Variants in RAI14 observed in about 807,000 individuals in gnomAD.
The protein encoded by RAI14 is ankycorbin.
RAI14 carries 45 observed loss-of-function variants against 115.4 expected under a neutral mutation model. The ratio of observed to expected loss-of-function variants is 0.39; its 90% CI spans 0.31 to 0.50. RAI14 has a LOEUF of 0.50. Ranked by LOEUF, RAI14 falls within the 20% of genes least tolerant of loss-of-function variation. The pLI is 0.85. For missense variants in RAI14, 939 were observed against 1,131.2 expected (o/e 0.83, Z 2.44); for synonymous variants, 371 against 415.4 (o/e 0.89, Z 1.30).
chr5:34,736,493 C>T (rs1744896224), intron 2 of RAI14, among the ~76,000 whole-genome samples: 1 of 151,922 alleles, frequency 6.6e-6, no homozygotes, highest in South Asian at 2.1e-4. Flanking sequence ...TTTGTAAAGC[C>T]GTTCATTAAG....
intron 2 of RAI14, among the ~76,000 whole-genome samples, chr5:34,696,693 C>A (rs1399456940): frequency 1.3e-5 from 2 of 152,202 alleles, no homozygotes; most frequent in Non-Finnish European, 2.9e-5. Context: ...TGTTCTTAAA[C>A]CTTAGTGACT....
At chr5:34,743,028 C>T (rs1017443885) in intron 2 of RAI14, among the ~76,000 whole-genome samples, 19 of 152,178 alleles carry the variant, frequency 1.2e-4, no homozygotes, top group Non-Finnish European at 1.5e-4. Flanking sequence ...AACAAATCAA[C>T]GTAGCGTGTG....
intron 2 of RAI14, among the ~76,000 whole-genome samples, chr5:34,688,633 G>GT (rs1213143857): frequency 6.6e-6 from 1 of 152,186 alleles, no homozygotes; most frequent in East Asian, 1.9e-4. Context: ...AAGAAATGTT[G>GT]AGAAGCAGAC....
chr5:34,722,665 G>T (rs1742921802), intron 2 of RAI14, among the ~76,000 whole-genome samples: 1 of 152,054 alleles, frequency 6.6e-6, no homozygotes, highest in South Asian at 2.1e-4. Flanking sequence ...GGCCAGCATG[G>T]TGAAACCCCG....
At chr5:34,769,749 A>G (rs1316758546) in intron 3 of RAI14, among the ~76,000 whole-genome samples, 1 of 152,136 alleles carries the variant, frequency 6.6e-6, no homozygotes, top group Non-Finnish European at 1.5e-5. Flanking sequence ...ATTTTTTAAG[A>G]CAGACTCACT....
chr5:34,754,443 C>T (rs940599011), intron 2 of RAI14, among the ~76,000 whole-genome samples: 1 of 151,966 alleles, frequency 6.6e-6, no homozygotes, highest in Non-Finnish European at 1.5e-5. Context: ...ACTGTGTTGC[C>T]CAGAGTGGTC....
chr5:34,719,591 C>G (rs1742418803), intron 2 of RAI14, among the ~76,000 whole-genome samples: 1 of 152,188 alleles, frequency 6.6e-6, no homozygotes. Flanking sequence ...CTGCTCTTCC[C>G]TGAGTTACCG....
rs904061401 is a variant in RAI14, at chr5:34,757,614, G to T, written c.167+16G>T. 5 of 1,593,070 alleles carry T rather than the reference G, an allele frequency of 3.1e-6. No individual in the cohort carries two copies. Among genetic ancestry groups the T allele is most frequent in the African/African-American group, 1.3e-5 (1 of 74,456 alleles). On this transcript the variant is annotated intron_variant, in intron 3 of 17. Transcript: ENST00000265109. ...GCAAGACCGCGTAAGCTGAAACACT[G>T]GTTTGCAGATATGCTGGTTCTGGGT... is the stretch of plus-strand genomic sequence containing the variant.
chr5:34,708,265 C>A (rs575826649), intron 2 of RAI14, among the ~76,000 whole-genome samples: 3 of 150,670 alleles, frequency 2.0e-5, no homozygotes, highest in African/African-American at 7.4e-5. Flanking sequence ...TGCAATGGCG[C>A]GATCTCGGCT....
intron 1 of RAI14, among the ~76,000 whole-genome samples, chr5:34,661,942 C>T (rs1742723294): frequency 6.6e-6 from 1 of 152,208 alleles, no homozygotes; most frequent in South Asian, 2.1e-4. Context: ...CGTGCCAACA[C>T]ACCTGCCTAG....
intron 2 of RAI14, among the ~76,000 whole-genome samples, chr5:34,727,264 G>C (rs1305579685): frequency 1.3e-5 from 2 of 152,204 alleles, no homozygotes; most frequent in African/African-American, 4.8e-5. Flanking sequence ...GAACTTTGAA[G>C]TTGAGAGAGA....
At chr5:34,750,381 A>G (rs1012457955) in intron 2 of RAI14, among the ~76,000 whole-genome samples, 1 of 152,160 alleles carries the variant, frequency 6.6e-6, no homozygotes, top group Non-Finnish European at 1.5e-5. Context: ...GATGTGCATT[A>G]TTCTGAGGAA....
At chr5:34,758,354 A>G (rs1748175216) in intron 3 of RAI14, among the ~76,000 whole-genome samples, 1 of 152,154 alleles carries the variant, frequency 6.6e-6, no homozygotes, top group Admixed American at 6.6e-5. Context: ...AAGTAGTTTT[A>G]TATCTTTTCT....
intron 2 of RAI14, among the ~76,000 whole-genome samples, chr5:34,688,707 T>A (rs1421302669): frequency 6.6e-6 from 1 of 151,798 alleles, no homozygotes; most frequent in Non-Finnish European, 1.5e-5. Flanking sequence ...TTCAAATGGC[T>A]CTCCACATCC....
At position 34,818,815 on chromosome 5, in the gene RAI14, C is replaced by A; in HGVS notation, c.958C>A (p.Arg320=). 2.5e-6 allele frequency: 4 copies of A among 1,610,978 alleles called. No individual in the cohort carries two copies. Among genetic ancestry groups the A allele is most frequent in the Non-Finnish European group, 3.4e-6 (4 of 1,178,642 alleles). ...PPFKAEISSI[R]ENKDRLSDST... Reference sequence around the variant, plus strand: ...TCAATAGGCTGAGATCAGTTCTATACGAGAAAACAAAGACAGACTAAGTGA... The same window carrying A: ...TCAATAGGCTGAGATCAGTTCTATAAGAGAAAACAAAGACAGACTAAGTGA... The change falls in exon 13 of 18, where the codon CGA becomes AGA. Residue 320 remains arginine, a synonymous_variant. Coordinates refer to ENST00000265109, the MANE Select transcript of RAI14 (RefSeq NM_015577.3).
intron 2 of RAI14, among the ~76,000 whole-genome samples, chr5:34,756,870 T>G (rs890310876): frequency 6.6e-6 from 1 of 152,258 alleles, no homozygotes. Flanking sequence ...CAAAGCTCTT[T>G]GACGTTTAAG....
Position 34,767,487 on chromosome 5 carries a change from G to C in RAI14, c.167+9889G>C, listed in dbSNP as rs560716810. Among the ~76,000 whole-genome samples the C allele has an allele frequency of 2.6e-5, 4 of 152,234 alleles. No homozygotes were observed. In the East Asian group the frequency reaches 5.8e-4, roughly 22 times the overall value. On this transcript the variant is annotated intron_variant, in intron 3 of 17. Coordinates refer to ENST00000265109, the MANE Select transcript of RAI14 (RefSeq NM_015577.3). ...TGAGCAGCAACCAGCCTGCTCAGAG[G>C]CTGGGGTACATGAGATCATTAGCGT...
rs145434233 is a variant in RAI14 at position 34,737,522 on chromosome 5, G to A, written c.37-19946G>A. ...ACCTGTAATCCCAGCACTCTGGGAG[G>A]CCAAGATGAGGATCGCTTGAGCTTA... On this transcript the variant is annotated intron_variant, in intron 2 of 17. Coordinates refer to ENST00000265109, the MANE Select transcript of RAI14 (RefSeq NM_015577.3). Among the ~76,000 whole-genome samples, 1,426 of 152,036 alleles carry A rather than the reference G, an allele frequency of 9.4e-3. 6 individuals carry two copies. Among genetic ancestry groups the A allele is most frequent in the Non-Finnish European group, 0.017 (1,123 of 67,990 alleles).
At chr5:34,712,379 A>G (rs990332923) in intron 2 of RAI14, among the ~76,000 whole-genome samples, 33 of 152,288 alleles carry the variant, frequency 2.2e-4, no homozygotes, top group Admixed American at 4.6e-4. Context: ...ACAAGTCTCA[A>G]TGGGAGGAAC....
Sources: allele counts gnomAD v4.1 joint callset (sites outside exome capture counted in the v4.1 genomes callset), GRCh38; gene constraint gnomAD v4.1.1; transcripts MANE v1.5; gene names NCBI Gene and HGNC (gene_info 2026-07-23, HGNC 2026-07-21).